The following MBOAT2 variants were observed in gnomAD, a reference collection of about 807,000 sequenced individuals.
MBOAT2 encodes membrane-bound glycerophospholipid O-acyltransferase 2.
A neutral mutation model predicts 63.4 loss-of-function variants in MBOAT2; 28 were observed. The observed-to-expected ratio is 0.44, with a 90% CI of 0.33 to 0.61. MBOAT2 has a LOEUF of 0.61. Ranked by LOEUF, MBOAT2 falls within the 20% of genes least tolerant of loss-of-function variation. The pLI is 0.03. For missense variants in MBOAT2, 470 were observed against 605.8 expected (o/e 0.78, Z 2.35); for synonymous variants, 211 against 215.6 (o/e 0.98, Z 0.19).
intron 3 of MBOAT2, among the ~76,000 whole-genome samples, chr2:8,942,336 A>T (rs767156007): frequency 1.3e-5 from 2 of 152,222 alleles, no homozygotes; most frequent in Non-Finnish European, 2.9e-5. Context: ...TATGGTACCT[A>T]GGTCATACAT....
Position 9,003,530 on chromosome 2 carries a change from C to A in MBOAT2, c.75+10G>T. ...GGCGCGACGCCCGGCGCCAGGGCGC[C>A]TCGGGGTACCTGGTCGATGGGCAGC... On this transcript the variant is annotated intron_variant, in intron 1 of 12. Coordinates refer to ENST00000305997, the MANE Select transcript of MBOAT2 (RefSeq NM_138799.4). The surrounding 1 kb of genome is among the most constrained non-coding windows in gnomAD (Gnocchi z 5.4). The A allele has an allele frequency of 8.3e-7, 1 of 1,200,034 alleles. No homozygotes were observed. Among genetic ancestry groups the A allele is most frequent in the Non-Finnish European group, 1.0e-6 (1 of 966,304 alleles). The allele number at this position is 1,200,034 out of a possible 1,614,324, so 74.3% of individuals were successfully genotyped here.
chr2:8,974,482 A>G, intron 1 of MBOAT2: 1 of 455,250 alleles, frequency 2.2e-6, no homozygotes, highest in Non-Finnish European at 4.4e-6. Flanking sequence ...TAAAGAACCC[A>G]GGCCTTGATG....
intron 3 of MBOAT2, among the ~76,000 whole-genome samples, chr2:8,919,103 C>T (rs79220776): frequency 0.026 from 4,013 of 152,250 alleles, 186 homozygotes; most frequent in African/African-American, 0.091. Context: ...TGTAAACTGC[C>T]GAATGGTATT....
chr2:8,901,543 A>T (rs1423735232), intron 4 of MBOAT2, among the ~76,000 whole-genome samples: 1 of 152,198 alleles, frequency 6.6e-6, no homozygotes, highest in Non-Finnish European at 1.5e-5. Flanking sequence ...GTGGAGGGCC[A>T]TACCCTGAGG....
At chr2:8,994,301 TGGGACTGTTCGGA>T (rs1175709494) in intron 1 of MBOAT2, among the ~76,000 whole-genome samples, 1 of 152,114 alleles carries the variant, frequency 6.6e-6, no homozygotes, top group Admixed American at 6.5e-5. Context: ...CGGGGCATGA[TGGGACTGTTCGGA>T]GGGCCCTAAC....
rs1331971354 is a variant in MBOAT2, at chr2:8,882,496, T to A, written c.506+15A>T. 6.2e-7 allele frequency: 1 copy of A among 1,614,018 alleles called. No homozygotes were observed. The highest frequency in any genetic ancestry group is 8.5e-7 in the Non-Finnish European group (1 of 1,179,878). Reference sequence around the variant, plus strand: ...GCGCAGGAAGCATGGCAGAATAGGATGCAAAGGCACGTACCTTACAGCTAA... The same window carrying A: ...GCGCAGGAAGCATGGCAGAATAGGAAGCAAAGGCACGTACCTTACAGCTAA... On this transcript the variant is annotated intron_variant, in intron 6 of 12. Coordinates refer to ENST00000305997, the MANE Select transcript of MBOAT2 (RefSeq NM_138799.4).
chr2:8,864,194 A>C lies in MBOAT2; in HGVS notation c.1028T>G (p.Ile343Ser), dbSNP rs766577470. Residue 343 changes from isoleucine to serine, a missense_variant, in exon 10 of 13, where the codon ATT becomes AGT. Ile to Ser is a moderately radical substitution (Grantham distance 142). Around this residue, in one of 3 missense-constraint regions of MBOAT2, gnomAD observed 376 missense variants for 503.8 expected, o/e 0.75. Coordinates refer to ENST00000305997, the MANE Select transcript of MBOAT2 (RefSeq NM_138799.4). ...CCTTTTGAGCCAAAGAGCTGTCTGA[A>C]TATTCCAATTATCAAGAAACATCTT... is the stretch of plus-strand genomic sequence containing the variant. ...SFKMFLDNWNIQTALWLKRVC... is the reference protein window; with the variant it reads ...SFKMFLDNWNSQTALWLKRVC... 5 of 1,582,926 alleles carry C rather than the reference A, an allele frequency of 3.2e-6. No homozygotes were observed. The highest frequency in any genetic ancestry group is 3.4e-6 in the Non-Finnish European group (4 of 1,169,000).
At chr2:8,986,431 C>A (rs1014799447) in intron 1 of MBOAT2, among the ~76,000 whole-genome samples, 1 of 151,834 alleles carries the variant, frequency 6.6e-6, no homozygotes, top group Admixed American at 6.6e-5. Context: ...TGCCTGGTGG[C>A]GCATGCCTGT....
At chr2:8,999,883 T>C (rs1050918417) in intron 1 of MBOAT2, among the ~76,000 whole-genome samples, 1 of 152,246 alleles carries the variant, frequency 6.6e-6, no homozygotes, top group Non-Finnish European at 1.5e-5. Context: ...ACAAATACTA[T>C]GGCTACCTAA....
At position 8,857,518 on chromosome 2, in the gene MBOAT2, G is replaced by A. The variant is rs1284388939; in HGVS notation, c.*1161C>T. On this transcript the variant is annotated 3_prime_UTR_variant, in exon 13 of 13. Coordinates refer to ENST00000305997, the MANE Select transcript of MBOAT2 (RefSeq NM_138799.4). Reference sequence around the variant, plus strand: ...ACAGCAAAATTTTAATGTGAGAAGAGTTTGAAACTGAATTTATATTATTCT... The same window carrying A: ...ACAGCAAAATTTTAATGTGAGAAGAATTTGAAACTGAATTTATATTATTCT... 6.6e-6 allele frequency: 1 copy of A among 152,202 alleles called. No homozygotes were observed. The highest frequency in any genetic ancestry group is 1.5e-5 in the Non-Finnish European group (1 of 68,040). The allele number at this position is 152,202 out of a possible 1,614,324, so 9.4% of individuals were successfully genotyped here.
intron 1 of MBOAT2, among the ~76,000 whole-genome samples, chr2:8,965,519 A>G (rs576391020): frequency 2.0e-5 from 3 of 152,292 alleles, no homozygotes; most frequent in African/African-American, 7.2e-5. Flanking sequence ...AAGGGTGCTT[A>G]CACTTTAATT....
intron 2 of MBOAT2, among the ~76,000 whole-genome samples, chr2:8,955,402 C>G (rs991187529): frequency 6.6e-6 from 1 of 152,210 alleles, no homozygotes; most frequent in Non-Finnish European, 1.5e-5. Flanking sequence ...GTCTCCCTGC[C>G]TCTCTCACAT....
intron 2 of MBOAT2, among the ~76,000 whole-genome samples, chr2:8,957,492 C>T (rs1303832996): frequency 1.3e-5 from 2 of 152,172 alleles, no homozygotes; most frequent in Non-Finnish European, 2.9e-5. Flanking sequence ...CTAGGAAACA[C>T]TTGCAATTGC....
At chr2:8,863,267 A>G (rs931892882) in intron 10 of MBOAT2, among the ~76,000 whole-genome samples, 1 of 152,200 alleles carries the variant, frequency 6.6e-6, no homozygotes, top group Admixed American at 6.5e-5. Context: ...ACTGCCAGGC[A>G]CTGTGAAGAG....
At chr2:8,873,350 A>G (rs1275687378) in intron 7 of MBOAT2, 50 bp from the exon 8 acceptor site, 1 of 1,554,222 alleles carries the variant, frequency 6.4e-7, no homozygotes, top group Non-Finnish European at 8.8e-7. Flanking sequence ...GCTCCTTTTA[A>G]TTCATTCTAT....
chr2:8,950,974 G>A (rs930129891), intron 2 of MBOAT2, among the ~76,000 whole-genome samples: 1 of 152,068 alleles, frequency 6.6e-6, no homozygotes, highest in African/African-American at 2.4e-5. Flanking sequence ...TTGCATCTGA[G>A]GAATAAAGCC....
At chr2:8,937,546 C>T (rs1271424251) in intron 3 of MBOAT2, among the ~76,000 whole-genome samples, 2 of 152,114 alleles carry the variant, frequency 1.3e-5, no homozygotes, top group East Asian at 1.9e-4. Context: ...GGATGTGTAA[C>T]AAATCATTTG....
chr2:8,989,485 A>C (rs1671780877), intron 1 of MBOAT2, among the ~76,000 whole-genome samples: 2 of 152,192 alleles, frequency 1.3e-5, no homozygotes, highest in African/African-American at 2.4e-5. Flanking sequence ...AGAGGACAAC[A>C]CTTAGAAAGT....
chr2:8,968,641 G>C (rs1670195247), intron 1 of MBOAT2, among the ~76,000 whole-genome samples: 1 of 152,180 alleles, frequency 6.6e-6, no homozygotes, highest in Non-Finnish European at 1.5e-5. Context: ...AAAAAGATTA[G>C]ACGAATGGCT....
Sources: gnomAD v4.1 joint callset for allele counts (sites outside exome capture counted in the v4.1 genomes callset) on GRCh38, gnomAD v4.1.1 for gene constraint, gnomAD v4.1.1 regional missense constraint, Gnocchi (gnomAD v3.1) non-coding constraint, MANE v1.5 for transcripts, NCBI Gene and HGNC (gene_info 2026-07-23, HGNC 2026-07-21) for gene names.